The following STIL variants were observed in gnomAD, a reference collection of about 807,000 sequenced individuals.
STIL encodes the protein STIL centriolar assembly protein, also known as SCL-interrupting locus protein.
STIL carries 55 observed loss-of-function variants against 110.1 expected under a neutral mutation model. The observed-to-expected ratio is 0.50, with a 90% CI of 0.40 to 0.63. The LOEUF (loss-of-function observed/expected upper bound fraction) is 0.63. Among genes scored for constraint, STIL ranks in the 20% least tolerant of loss-of-function variants. STIL has a pLI of 0.00. For synonymous variants in STIL, 481 were observed against 530.0 expected, an observed-to-expected ratio of 0.91 and a Z score of 1.27; for missense variants, 1,358 against 1,530.0, an observed-to-expected ratio of 0.89 and a Z score of 1.87.
At chr1:47,308,366 G>A (rs1401067247) in intron 2 of STIL, among the ~76,000 whole-genome samples, 10 of 151,148 alleles carry the variant, frequency 6.6e-5, no homozygotes, top group African/African-American at 1.9e-4. Context: ...CGTGATTATC[G>A]GGGCAGGTCC....
chr1:47,310,772 G>A (rs1214243250), intron 1 of STIL, among the ~76,000 whole-genome samples: 1 of 152,120 alleles, frequency 6.6e-6, no homozygotes, highest in East Asian at 1.9e-4. Flanking sequence ...GGCCTATAAT[G>A]AAGTCATTAA....
intron 12 of STIL, among the ~76,000 whole-genome samples, chr1:47,274,594 G>A (rs1161290754): frequency 6.8e-6 from 1 of 146,768 alleles, no homozygotes; most frequent in Non-Finnish European, 1.5e-5. Flanking sequence ...TGGGATTACA[G>A]GCGTGAGCCA....
In STIL at chr1:47,312,342, T is replaced by C. The variant is rs369398848; in HGVS notation, c.-44+1694A>G. On this transcript the variant is annotated intron_variant, in intron 1 of 16. Coordinates refer to ENST00000371877, the MANE Select transcript of STIL (RefSeq NM_001048166.1). Reference sequence around the variant, plus strand: ...CGTCTCTACTAAAAATACAAAAAATTAGTGGGGTGTGGTGGCGGGCACCTG... The same window carrying C: ...CGTCTCTACTAAAAATACAAAAAATCAGTGGGGTGTGGTGGCGGGCACCTG... 2.2e-4 allele frequency among the ~76,000 whole-genome samples: 33 copies of C among 151,572 alleles called. 5 individuals carry two copies. Among genetic ancestry groups the C allele is most frequent in the African/African-American group, 7.8e-4 (32 of 41,242 alleles).
intron 1 of STIL, among the ~76,000 whole-genome samples, chr1:47,312,256 C>T (rs568275172): frequency 2.4e-4 from 37 of 152,040 alleles, no homozygotes; most frequent in African/African-American, 7.7e-4. Context: ...TTTGGGAGGC[C>T]GAGGTGGGTG....
intron 13 of STIL, among the ~76,000 whole-genome samples, chr1:47,270,623 A>G (rs1644807239): frequency 6.6e-6 from 1 of 150,562 alleles, no homozygotes; most frequent in Admixed American, 6.6e-5. Flanking sequence ...CATCTGTAAT[A>G]TCTGTAATAT....
At chr1:47,298,376 A>G (rs981785526) in intron 6 of STIL, among the ~76,000 whole-genome samples, 2 of 152,236 alleles carry the variant, frequency 1.3e-5, no homozygotes, top group Admixed American at 6.5e-5. Context: ...TGAAGATTAG[A>G]AAGCATGCAT....
intron 9 of STIL, among the ~76,000 whole-genome samples, chr1:47,289,176 A>AT (rs1645403504): frequency 6.6e-6 from 1 of 152,012 alleles, no homozygotes. Context: ...TTCTTCAAAG[A>AT]TTTTAGAAAA....
chr1:47,281,021 T>A lies in STIL; in HGVS notation c.1437A>T (p.Glu479Asp). The change falls in exon 12 of 17, where the codon GAA becomes GAT. Residue 479 changes from glutamate to aspartate, a missense_variant. Glu to Asp is a conservative substitution (Grantham distance 45). Transcript: ENST00000371877. ...LYDEKHSPEV[E>D]AGEPSLRGIP... is the part of the protein sequence containing the mutation. Reference sequence around the variant, plus strand: ...TTCCTCTCAAGGAAGGCTCTCCAGCTTCAACTTCTGGACTGTGTTTCTCAT... The same window carrying A: ...TTCCTCTCAAGGAAGGCTCTCCAGCATCAACTTCTGGACTGTGTTTCTCAT... 6.2e-7 allele frequency: 1 copy of A among 1,614,148 alleles called. No individual in the cohort carries two copies. The highest frequency in any genetic ancestry group is 8.5e-7 in the Non-Finnish European group (1 of 1,180,020).
chr1:47,260,476 C>T lies in STIL; in HGVS notation c.2893G>A (p.Val965Ile), dbSNP rs779782062. 1 of 1,614,176 alleles carries T rather than the reference C, an allele frequency of 6.2e-7. No individual in the cohort carries two copies. Among genetic ancestry groups the T allele is most frequent in the Non-Finnish European group, 8.5e-7 (1 of 1,180,030 alleles). ...CTGGTGCATTCATGACTGATAATTA[C>T]TGCTTTGGTAGACGGCTGCTCAGTT... ...KETEQPSTKA[V>I]IISHECTRTQ... The change falls in exon 16 of 17, where the codon GTA (valine) becomes ATA (isoleucine). Residue 965 changes from valine (V) to isoleucine (I), a missense_variant. Transcript: ENST00000371877.
chr1:47,301,285 T>C (rs1194809061), intron 5 of STIL, among the ~76,000 whole-genome samples: 1 of 152,188 alleles, frequency 6.6e-6, no homozygotes, highest in Non-Finnish European at 1.5e-5. Flanking sequence ...CCAGTCTGAC[T>C]GCCCACAAAT....
chr1:47,264,739 C>A (rs1644585629), intron 14 of STIL, among the ~76,000 whole-genome samples: 1 of 152,050 alleles, frequency 6.6e-6, no homozygotes, highest in Admixed American at 6.5e-5. Context: ...CGAGAAGGAT[C>A]CCAGAGAAGC....
intron 10 of STIL, among the ~76,000 whole-genome samples, chr1:47,284,891 A>C (rs894563874): frequency 4.1e-5 from 6 of 146,172 alleles, no homozygotes; most frequent in Non-Finnish European, 9.2e-5. Flanking sequence ...CCCTATCTCA[A>C]AAAAAAAAAA....
At chr1:47,300,212 GTTTA>G in intron 5 of STIL, 60 bp from the exon 6 acceptor site, 2 of 1,520,128 alleles carry the variant, frequency 1.3e-6, no homozygotes, top group Non-Finnish European at 1.8e-6. Flanking sequence ...TATCGCCAAA[GTTTA>G]TTTTATACTG....
rs1216306680 is a variant in STIL, at chr1:47,280,794, G to A, written c.1664C>T (p.Pro555Leu). Residue 555 changes from proline to leucine, a missense_variant, in exon 12 of 17, where the codon CCC becomes CTC. Coordinates refer to ENST00000371877, the MANE Select transcript of STIL (RefSeq NM_001048166.1). ...AGACTGCCTAGAATTAAGTGTGGAG[G>A]GTCTTATAGGATACTCTTCGTTTTG... Reference protein sequence around the residue: ...NVQNEEYPIRPSTLNSRQSSL... With the variant: ...NVQNEEYPIRLSTLNSRQSSL... 1.9e-6 allele frequency: 3 copies of A among 1,613,894 alleles called. No individual in the cohort carries two copies. The African/African-American group carries it at 4.0e-5, about 22-fold the overall frequency.
chr1:47,258,109 T>C (rs1644375735), intron 16 of STIL, among the ~76,000 whole-genome samples: 1 of 152,178 alleles, frequency 6.6e-6, no homozygotes, highest in East Asian at 1.9e-4. Flanking sequence ...CACAGCAACA[T>C]TAAAATAGTA....
In STIL at chr1:47,272,212, C is replaced by A; in HGVS notation, c.2247G>T (p.Leu749=). ...QIQRLLEAQS[L]MPCSPKTTAV... ...CAGTTGTCTTAGGGGAACAGGGCAT[C>A]AGAGACTGTGCTTCCAACAAACGCT... Residue 749 remains leucine (L), a synonymous_variant, in exon 13 of 17, where the codon CTG becomes CTT. Transcript: ENST00000371877. 1 of 1,614,126 alleles carries A rather than the reference C, an allele frequency of 6.2e-7. No homozygotes were observed. Among genetic ancestry groups the A allele is most frequent in the Non-Finnish European group, 8.5e-7 (1 of 1,180,016 alleles).
intron 3 of STIL, among the ~76,000 whole-genome samples, chr1:47,303,685 AAAAAAT>A (rs1357817788): frequency 2.6e-5 from 4 of 152,218 alleles, no homozygotes; most frequent in African/African-American, 9.6e-5. Context: ...ACAACAATAA[AAAAAAT>A]AAAAACAGGA....
At chr1:47,310,396 A>AT in intron 1 of STIL, 34 bp from the exon 2 acceptor site, 1 of 1,351,514 alleles carries the variant, frequency 7.4e-7, no homozygotes, top group Non-Finnish European at 1.0e-6. Flanking sequence ...CTAATGAATG[A>AT]TAAAAACAAA....
intron 14 of STIL, among the ~76,000 whole-genome samples, chr1:47,265,237 CA>C (rs61666574): frequency 0.014 from 737 of 51,638 alleles, 3 homozygotes; most frequent in African/African-American, 0.05. Flanking sequence ...CTCCATCTCC[CA>C]AAAAAAAAAA....
Sources: allele counts gnomAD v4.1 joint callset (sites outside exome capture counted in the v4.1 genomes callset), GRCh38; gene constraint gnomAD v4.1.1; transcripts MANE v1.5; gene names NCBI Gene and HGNC (gene_info 2026-07-23, HGNC 2026-07-21).